RAVER2: variants seen among roughly 807,000 people sequenced by gnomAD.
RAVER2 encodes the protein ribonucleoprotein, PTB binding 2.
RAVER2 carries 46 observed loss-of-function variants against 78.1 expected under a neutral mutation model. The ratio of observed to expected loss-of-function variants is 0.59; its 90% CI spans 0.46 to 0.75. The LOEUF (loss-of-function observed/expected upper bound fraction) is 0.75, where lower values mean the gene tolerates loss of function less well. Among genes scored for constraint, RAVER2 ranks in the 30% least tolerant of loss-of-function variants. The probability of loss-of-function intolerance (pLI) is 0.00; values close to 1 mark genes in which losing one functional copy is unlikely to be tolerated. For synonymous variants in RAVER2, 311 were observed against 313.3 expected, an observed-to-expected ratio of 0.99 and a Z score of 0.08; for missense variants, 793 against 837.5, an observed-to-expected ratio of 0.95 and a Z score of 0.66.
At chr1:64,792,641 T>C (rs1237756140) in intron 5 of RAVER2, among the ~76,000 whole-genome samples, 1 of 152,220 alleles carries the variant, frequency 6.6e-6, no homozygotes, top group Admixed American at 6.5e-5. Flanking sequence ...ATTACACTGA[T>C]GCAGAAGTTA....
intron 2 of RAVER2, among the ~76,000 whole-genome samples, chr1:64,772,457 A>C (rs1321954307): frequency 8.5e-5 from 13 of 152,152 alleles, no homozygotes. Flanking sequence ...GCACCATGAT[A>C]GTTGGTGGAA....
chr1:64,755,724 GTTTTTTTTTT>G (rs753375050), intron 1 of RAVER2, among the ~76,000 whole-genome samples: 32 of 60,664 alleles, frequency 5.3e-4, no homozygotes, highest in South Asian at 2.2e-3. Flanking sequence ...ATGCTTCATA[GTTTTTTTTTT>G]TTTTTTTTTT....
chr1:64,803,002 C>T, exon 6 of RAVER2: 2 of 1,609,620 alleles, frequency 1.2e-6, no homozygotes, highest in South Asian at 1.1e-5. Context: ...TCACAGCTTG[C>T]CACATCTGAT....
intron 11 of RAVER2, among the ~76,000 whole-genome samples, chr1:64,826,949 C>G (rs1654017627): frequency 6.6e-6 from 1 of 152,098 alleles, no homozygotes; most frequent in African/African-American, 2.4e-5. Context: ...ATGGGTAAGA[C>G]TGTGTGGGTG....
intron 5 of RAVER2, among the ~76,000 whole-genome samples, chr1:64,800,957 G>T (rs1653245397): frequency 6.6e-6 from 1 of 151,546 alleles, no homozygotes; most frequent in Non-Finnish European, 1.5e-5. Context: ...TTACAATGAG[G>T]ATTTATTTCA....
At chr1:64,820,009 A>AT (rs1653846680) in intron 11 of RAVER2, among the ~76,000 whole-genome samples, 1 of 152,184 alleles carries the variant, frequency 6.6e-6, no homozygotes, top group South Asian at 2.1e-4. Flanking sequence ...ATTGTAACAT[A>AT]TAGGGTTTAT....
At chr1:64,781,352 T>C in intron 3 of RAVER2, 28 bp from the exon 4 acceptor site, 1 of 1,486,952 alleles carries the variant, frequency 6.7e-7, no homozygotes, top group Non-Finnish European at 9.0e-7. Context: ...AGATCGGAAT[T>C]ACTGTTTAAT....
chr1:64,814,762 A>G, exon 11 of RAVER2: 1 of 1,587,514 alleles, frequency 6.3e-7, no homozygotes, highest in Non-Finnish European at 8.6e-7. Flanking sequence ...TTCTGGATGC[A>G]ATCTCTCAGG....
At chr1:64,807,534 T>C in intron 9 of RAVER2, 60 bp downstream of exon 9, 1 of 1,401,798 alleles carries the variant, frequency 7.1e-7, no homozygotes, top group Non-Finnish European at 9.5e-7. Flanking sequence ...ATATATTCCT[T>C]TTAAATTATG....
intron 9 of RAVER2, among the ~76,000 whole-genome samples, chr1:64,812,400 T>C (rs1020743842): frequency 2.7e-5 from 4 of 148,358 alleles, no homozygotes; most frequent in Admixed American, 1.3e-4. Flanking sequence ...GATAGATAGA[T>C]AGACAGACAG....
At chr1:64,805,011 G>A in exon 8 of RAVER2, 2 of 1,613,764 alleles carry the variant, frequency 1.2e-6, no homozygotes, top group East Asian at 2.2e-5. Context: ...TACTTGGAGA[G>A]CCCCCAGCTG....
At position 64,805,115 on chromosome 1, in the gene RAVER2, G is replaced by A; in HGVS notation, c.1411+10G>A. ...GGAGAAGCACATAAAAGTAAATGATGTGTATTTACTGAGAAGTCAGTAAAC... is the reference window on the plus strand; with the variant it reads ...GGAGAAGCACATAAAAGTAAATGATATGTATTTACTGAGAAGTCAGTAAAC... On this transcript the variant is annotated intron_variant, in intron 8 of 11. Coordinates refer to ENST00000294428, the Ensembl canonical transcript of RAVER2. 1 of 1,595,344 alleles carries A rather than the reference G, an allele frequency of 6.3e-7. No individual in the cohort carries two copies. Among genetic ancestry groups the A allele is most frequent in the Non-Finnish European group, 8.6e-7 (1 of 1,163,162 alleles).
At chr1:64,795,100 C>A (rs72918089) in intron 5 of RAVER2, among the ~76,000 whole-genome samples, 1 of 151,824 alleles carries the variant, frequency 6.6e-6, no homozygotes, top group African/African-American at 2.4e-5. Flanking sequence ...TTGACATTTC[C>A]CAAAAATCAG....
intron 11 of RAVER2, among the ~76,000 whole-genome samples, chr1:64,827,554 G>T (rs1259839878): frequency 6.6e-6 from 1 of 152,170 alleles, no homozygotes; most frequent in African/African-American, 2.4e-5. Flanking sequence ...TATTGTGTTT[G>T]ATTTCCACCT....
At chr1:64,827,778 G>C (rs1654035557) in intron 11 of RAVER2, among the ~76,000 whole-genome samples, 1 of 152,050 alleles carries the variant, frequency 6.6e-6, no homozygotes, top group African/African-American at 2.4e-5. Flanking sequence ...TATCTAATAG[G>C]GACAAGTTCA....
chr1:64,763,126 G>A (rs558681130), intron 1 of RAVER2, among the ~76,000 whole-genome samples: 38 of 152,032 alleles, frequency 2.5e-4, no homozygotes, highest in East Asian at 5.8e-4. Flanking sequence ...TGGCTAACAC[G>A]GTGAAACTCC....
chr1:64,766,573 T>G (rs1362241216), intron 1 of RAVER2, among the ~76,000 whole-genome samples: 1 of 152,206 alleles, frequency 6.6e-6, no homozygotes. Flanking sequence ...GTTTTCAACA[T>G]AACATTTCTA....
At chr1:64,825,816 G>T (rs539908397) in intron 11 of RAVER2, among the ~76,000 whole-genome samples, 1 of 151,908 alleles carries the variant, frequency 6.6e-6, no homozygotes, top group East Asian at 2.0e-4. Flanking sequence ...AAAATAAAAA[G>T]ATTTGCTTTA....
intron 6 of RAVER2, 26 bp downstream of exon 6, chr1:64,803,087 A>G (rs940265546): frequency 1.4e-6 from 2 of 1,456,290 alleles, no homozygotes; most frequent in Admixed American, 1.8e-5. Flanking sequence ...TGAGTACTGA[A>G]GCATTAAATA....
Sources: gnomAD v4.1 joint callset for allele counts (sites outside exome capture counted in the v4.1 genomes callset) on GRCh38, gnomAD v4.1.1 for gene constraint, MANE v1.5 for transcripts, NCBI Gene and HGNC (gene_info 2026-07-23, HGNC 2026-07-21) for gene names.